The following WWOX variants were observed in gnomAD, a reference collection of about 807,000 sequenced individuals.
The protein encoded by WWOX is WW domain-containing oxidoreductase.
In WWOX, 69 loss-of-function variants were observed where a neutral mutation model predicts 46.2. The observed-to-expected ratio is 1.49, with a 90% CI of 1.23 to 1.82. WWOX has a LOEUF of 1.82. Ranked by LOEUF, WWOX falls within the 40% of genes most tolerant of loss-of-function variation. The pLI is 0.00. For synonymous variants in WWOX, 359 were observed against 202.6 expected, an observed-to-expected ratio of 1.77 and a Z score of -6.56; for missense variants, 919 against 542.6, an observed-to-expected ratio of 1.69 and a Z score of -6.89.
intron 8 of WWOX, among the ~76,000 whole-genome samples, chr16:78,934,623 C>T (rs1373416265): frequency 6.6e-6 from 1 of 152,026 alleles, no homozygotes; most frequent in East Asian, 1.9e-4. Context: ...TATGACCCAC[C>T]ACCACGCAGG....
chr16:78,614,232 C>T (rs1005134081), intron 8 of WWOX, among the ~76,000 whole-genome samples: 3 of 152,176 alleles, frequency 2.0e-5, no homozygotes, highest in Non-Finnish European at 4.4e-5. Flanking sequence ...TCTGTGTTGA[C>T]AGCCTTTTGG....
chr16:78,431,405 C>A (rs2083214037), intron 7 of WWOX, among the ~76,000 whole-genome samples: 1 of 152,146 alleles, frequency 6.6e-6, no homozygotes, highest in Admixed American at 6.5e-5. Context: ...GACAACAAGA[C>A]TCATCTATAA....
intron 8 of WWOX, among the ~76,000 whole-genome samples, chr16:78,556,873 C>G (rs947946271): frequency 6.6e-6 from 1 of 151,924 alleles, no homozygotes; most frequent in Non-Finnish European, 1.5e-5. Flanking sequence ...TGCCCACCAC[C>G]AAGCCCGGCT....
chr16:78,862,438 GTATA>G (rs1007839247), intron 8 of WWOX, among the ~76,000 whole-genome samples: 1 of 151,598 alleles, frequency 6.6e-6, no homozygotes, highest in East Asian at 1.9e-4. Context: ...AGTGTATAAT[GTATA>G]TATATAGTAT....
chr16:78,784,123 C>T (rs1381500701), intron 8 of WWOX, among the ~76,000 whole-genome samples: 1 of 152,138 alleles, frequency 6.6e-6, no homozygotes, highest in South Asian at 2.1e-4. Flanking sequence ...AATGCATTTA[C>T]ACCAAATTCT....
intron 8 of WWOX, among the ~76,000 whole-genome samples, chr16:78,734,978 G>A (rs2049052531): frequency 6.9e-6 from 1 of 145,910 alleles, no homozygotes; most frequent in African/African-American, 2.5e-5. Context: ...CGATTCTCCT[G>A]CCTCAGCCTT....
In WWOX at chr16:78,615,737, G is replaced by C. The variant is rs114266082; in HGVS notation, c.1056+182985G>C. On this transcript the variant is annotated intron_variant, in intron 8 of 8. Transcript: ENST00000566780. ...AAGGGAAGGAAGAAATGCTGTTTTA[G>C]GAAATCAATAGGATAATTTTTTTTT... is the stretch of plus-strand genomic sequence containing the variant. Among the ~76,000 whole-genome samples, 1,059 of 151,854 alleles carry C rather than the reference G, an allele frequency of 7.0e-3. 15 individuals carry two copies. Among genetic ancestry groups the C allele is most frequent in the African/African-American group, 0.024 (1,013 of 41,406 alleles).
intron 5 of WWOX, among the ~76,000 whole-genome samples, chr16:78,183,207 A>T (rs572284646): frequency 1.4e-4 from 22 of 152,280 alleles, no homozygotes; most frequent in African/African-American, 5.3e-4. Flanking sequence ...ACAGACACGT[A>T]AATTAATAGT....
At position 78,101,298 on chromosome 16, in the gene WWOX, C is replaced by T. The variant is rs555301635; in HGVS notation, c.107+1413C>T. 9.6e-4 allele frequency among the ~76,000 whole-genome samples: 135 copies of T among 141,174 alleles called. 2 individuals carry two copies. Among genetic ancestry groups the T allele is most frequent in the Middle Eastern group, 3.8e-3 (1 of 262 alleles). 92.6% of individuals were successfully genotyped at this position (141,174 alleles called of 152,430 possible). On this transcript the variant is annotated intron_variant, in intron 1 of 8. Transcript: ENST00000566780. ...TCCTGACCTCGTGATCCTCCCGCCT[C>T]GGCCTCTCAAAGTGCTGGGATTACA...
chr16:78,552,493 T>C (rs1370622780), intron 8 of WWOX: 1 of 152,306 alleles, frequency 6.6e-6, no homozygotes, highest in African/African-American at 2.4e-5. Context: ...TTCACTTCTC[T>C]GCTGGTTTTC....
rs184073692 is a variant in WWOX at position 78,617,507 on chromosome 16, G to A, written c.1056+184755G>A. 2.1e-3 allele frequency among the ~76,000 whole-genome samples: 322 copies of A among 151,946 alleles called. 3 individuals carry two copies. Among genetic ancestry groups the A allele is most frequent in the African/African-American group, 7.2e-3 (299 of 41,420 alleles). ...CAATGCTCAGTGCAGTGACTTTGCC[G>A]AGCACAAGTGGTGGACTTAAGAAGC... On this transcript the variant is annotated intron_variant, in intron 8 of 8. Coordinates refer to ENST00000566780, the MANE Select transcript of WWOX (RefSeq NM_016373.4).
intron 8 of WWOX, among the ~76,000 whole-genome samples, chr16:78,451,470 G>A (rs373751563): frequency 6.6e-6 from 1 of 152,204 alleles, no homozygotes; most frequent in African/African-American, 2.4e-5. Context: ...ATGTGAGGTA[G>A]CAGAAGGGGC....
At chr16:78,809,418 C>G (rs140734310) in intron 8 of WWOX, among the ~76,000 whole-genome samples, 7 of 151,876 alleles carry the variant, frequency 4.6e-5, no homozygotes, top group African/African-American at 1.7e-4. Flanking sequence ...CTTCCCTTCC[C>G]TAGTATGTAT....
At chr16:78,505,084 C>T (rs2085160730) in intron 8 of WWOX, among the ~76,000 whole-genome samples, 1 of 152,102 alleles carries the variant, frequency 6.6e-6, no homozygotes, top group Admixed American at 6.6e-5. Context: ...TTTTTCTGAG[C>T]CGCCGAAGCA....
intron 8 of WWOX, among the ~76,000 whole-genome samples, chr16:79,170,010 C>T (rs983239197): frequency 6.6e-6 from 1 of 152,098 alleles, no homozygotes; most frequent in Non-Finnish European, 1.5e-5. Context: ...CTTTAGGACA[C>T]CTTCATTACC....
intron 4 of WWOX, among the ~76,000 whole-genome samples, chr16:78,147,904 C>G (rs1050806061): frequency 6.6e-6 from 1 of 151,594 alleles, no homozygotes; most frequent in Non-Finnish European, 1.5e-5. Context: ...GGATCACAGC[C>G]CTTTTGGTCA....
chr16:78,524,440 G>C (rs1219432854), intron 8 of WWOX, among the ~76,000 whole-genome samples: 1 of 151,436 alleles, frequency 6.6e-6, no homozygotes, highest in African/African-American at 2.4e-5. Flanking sequence ...TTGTTTGTTT[G>C]AGATGAGTCT....
At chr16:78,141,822 G>C (rs1421610811) in intron 4 of WWOX, among the ~76,000 whole-genome samples, 1 of 151,850 alleles carries the variant, frequency 6.6e-6, no homozygotes, top group East Asian at 1.9e-4. Flanking sequence ...ATTATACGGT[G>C]CTAAACAATG....
chr16:78,619,225 A>G (rs565737807), intron 8 of WWOX, among the ~76,000 whole-genome samples: 43 of 97,414 alleles, frequency 4.4e-4, no homozygotes, highest in Non-Finnish European at 4.9e-4. Flanking sequence ...GTAGCCATGC[A>G]TGGGGGCCTG....
Sources: gnomAD v4.1 joint callset for allele counts (sites outside exome capture counted in the v4.1 genomes callset) on GRCh38, gnomAD v4.1.1 for gene constraint, MANE v1.5 for transcripts, NCBI Gene and HGNC (gene_info 2026-07-23, HGNC 2026-07-21) for gene names.